Variants in SPAG16 observed in about 807,000 individuals in gnomAD.
SPAG16 encodes sperm-associated antigen 16 protein.
A neutral mutation model predicts 80.4 loss-of-function variants in SPAG16; 86 were observed. The observed-to-expected ratio is 1.07, with a 90% confidence interval of 0.90 to 1.28. The LOEUF (loss-of-function observed/expected upper bound fraction) is 1.28. Among genes scored for constraint, SPAG16 ranks in the 50% most tolerant of loss-of-function variants. The probability of loss-of-function intolerance (pLI) is 0.00; values close to 1 mark genes in which losing one functional copy is unlikely to be tolerated. For missense variants in SPAG16, 870 were observed against 765.3 expected, an observed-to-expected ratio of 1.14 and a Z score of -1.61; for synonymous variants, 294 against 265.9, an observed-to-expected ratio of 1.11 and a Z score of -1.03.
intron 10 of SPAG16, among the ~76,000 whole-genome samples, chr2:213,654,057 T>A (rs1482524983): frequency 1.3e-5 from 2 of 152,206 alleles, no homozygotes; most frequent in African/African-American, 4.8e-5. Flanking sequence ...ACAGAGTTGA[T>A]GATTGCAGGT....
At chr2:213,731,557 TTGCTGC>T (rs1434627726) in intron 10 of SPAG16, among the ~76,000 whole-genome samples, 19 of 152,054 alleles carry the variant, frequency 1.2e-4, no homozygotes. Flanking sequence ...CCATGGTGGT[TTGCTGC>T]ACAGATCATC....
chr2:214,261,290 C>T (rs1157711420), intron 15 of SPAG16, among the ~76,000 whole-genome samples: 1 of 152,030 alleles, frequency 6.6e-6, no homozygotes, highest in Non-Finnish European at 1.5e-5. Flanking sequence ...CGTTCACTCA[C>T]ACAGAGAGCT....
chr2:214,132,310 A>G (rs539550221), intron 14 of SPAG16, among the ~76,000 whole-genome samples: 3 of 152,338 alleles, frequency 2.0e-5, no homozygotes, highest in South Asian at 4.1e-4. Context: ...TGTCCAATAG[A>G]ACTTTCTGTA....
At chr2:213,444,119 C>G (rs1324983461) in intron 9 of SPAG16, among the ~76,000 whole-genome samples, 1 of 152,174 alleles carries the variant, frequency 6.6e-6, no homozygotes, top group Admixed American at 6.5e-5. Flanking sequence ...TAGGGAGACA[C>G]AAACGCTGAA....
intron 10 of SPAG16, among the ~76,000 whole-genome samples, chr2:213,495,387 C>T (rs1273360839): frequency 6.6e-6 from 1 of 152,182 alleles, no homozygotes; most frequent in East Asian, 1.9e-4. Context: ...CTTTAATCTT[C>T]CAGACTAATG....
intron 12 of SPAG16, among the ~76,000 whole-genome samples, chr2:213,949,093 T>C (rs901630241): frequency 7.2e-5 from 11 of 151,932 alleles, no homozygotes; most frequent in South Asian, 2.1e-4. Flanking sequence ...AGCAATAGGA[T>C]TGTTCATATT....
chr2:213,867,963 G>A (rs949434338), intron 11 of SPAG16, among the ~76,000 whole-genome samples: 5 of 132,682 alleles, frequency 3.8e-5, no homozygotes, highest in Non-Finnish European at 5.0e-5. Flanking sequence ...TAGCTCAAAC[G>A]TTGTTATAAA....
chr2:214,136,501 C>T (rs1576318578), intron 14 of SPAG16, among the ~76,000 whole-genome samples: 1 of 152,044 alleles, frequency 6.6e-6, no homozygotes, highest in Non-Finnish European at 1.5e-5. Flanking sequence ...TTTAGCTGCT[C>T]GGTAATTATT....
chr2:213,760,953 T>C (rs80186223), intron 10 of SPAG16, among the ~76,000 whole-genome samples: 3,638 of 152,280 alleles, frequency 0.024, 145 homozygotes, highest in African/African-American at 0.082. Context: ...GTAGTAGTTT[T>C]AGTCCTTATG....
intron 10 of SPAG16, among the ~76,000 whole-genome samples, chr2:213,537,384 T>C (rs1226639663): frequency 6.6e-6 from 1 of 151,760 alleles, no homozygotes; most frequent in Non-Finnish European, 1.5e-5. Flanking sequence ...TTAAATATAG[T>C]AATATGTTTT....
At chr2:214,275,072 G>T (rs1328078411) in intron 15 of SPAG16, among the ~76,000 whole-genome samples, 2 of 152,110 alleles carry the variant, frequency 1.3e-5, no homozygotes, top group African/African-American at 4.8e-5. Flanking sequence ...AGGTTTTCTA[G>T]TTTATTTGTG....
intron 11 of SPAG16, among the ~76,000 whole-genome samples, chr2:213,869,297 A>ATATATGTG (rs1553648829): frequency 1.6e-5 from 2 of 124,912 alleles, no homozygotes; most frequent in Non-Finnish European, 3.4e-5. Context: ...ATATATGTAT[A>ATATATGTG]TATATATATA....
intron 12 of SPAG16, among the ~76,000 whole-genome samples, chr2:213,975,431 C>T (rs1157512260): frequency 6.6e-6 from 1 of 151,152 alleles, no homozygotes; most frequent in Non-Finnish European, 1.5e-5. Context: ...TTAACATGTT[C>T]CTAAAGTAGG....
intron 9 of SPAG16, among the ~76,000 whole-genome samples, chr2:213,423,426 A>G (rs2069720497): frequency 6.6e-6 from 1 of 152,226 alleles, no homozygotes; most frequent in African/African-American, 2.4e-5. Context: ...GTTGAAAATT[A>G]GACCCTGGAG....
intron 15 of SPAG16, among the ~76,000 whole-genome samples, chr2:214,197,077 A>G (rs2057862980): frequency 1.3e-5 from 2 of 152,034 alleles, no homozygotes; most frequent in Non-Finnish European, 2.9e-5. Context: ...ACCTGCCAAT[A>G]TGAAGCTTTG....
chr2:214,020,144 G>A (rs920810150), intron 13 of SPAG16, among the ~76,000 whole-genome samples: 1 of 152,004 alleles, frequency 6.6e-6, no homozygotes, highest in Non-Finnish European at 1.5e-5. Flanking sequence ...AGTAAGTTGC[G>A]CAAGAACAGC....
At chr2:213,363,607 A>G (rs1417421027) in intron 7 of SPAG16, among the ~76,000 whole-genome samples, 1 of 152,122 alleles carries the variant, frequency 6.6e-6, no homozygotes, top group Non-Finnish European at 1.5e-5. Context: ...GACATGTTTA[A>G]TAAAATAGAG....
chr2:213,721,661 T>G (rs2195081), intron 10 of SPAG16, among the ~76,000 whole-genome samples: 141,214 of 152,006 alleles, frequency 0.93, 66,510 homozygotes, highest in East Asian at 1. Flanking sequence ...CAGCACTGAA[T>G]CATACTGCAT....
intron 9 of SPAG16, among the ~76,000 whole-genome samples, chr2:213,448,496 T>C (rs971588211): frequency 9.8e-5 from 15 of 152,300 alleles, no homozygotes; most frequent in African/African-American, 3.4e-4. Flanking sequence ...CATGTTTCTC[T>C]GTTTAATCAG....
Sources: allele counts gnomAD v4.1 joint callset (sites outside exome capture counted in the v4.1 genomes callset), GRCh38; gene constraint gnomAD v4.1.1; transcripts MANE v1.5; gene names NCBI Gene and HGNC (gene_info 2026-07-23, HGNC 2026-07-21).